Variants in MOBP observed in about 807,000 individuals in gnomAD.
MOBP encodes myelin-associated oligodendrocyte basic protein.
A neutral mutation model predicts 15.0 loss-of-function variants in MOBP; 5 were observed. That is an observed-to-expected ratio of 0.33 (90% CI 0.17 to 0.70). MOBP has a LOEUF of 0.70. MOBP is among the 30% of genes least tolerant of loss of function. The probability of loss-of-function intolerance (pLI) is 0.67; values close to 1 mark genes in which losing one functional copy is unlikely to be tolerated. For missense variants in MOBP, 188 were observed against 257.8 expected (o/e 0.73, Z 1.85); for synonymous variants, 88 against 99.0 (o/e 0.89, Z 0.66).
chr3:39,502,886 T>G lies in MOBP; in HGVS notation c.*6T>G. 1 of 1,182,920 alleles carries G rather than the reference T, an allele frequency of 8.5e-7. No homozygotes were observed. Among genetic ancestry groups the G allele is most frequent in the Non-Finnish European group, 1.2e-6 (1 of 856,328 alleles). The allele number at this position is 1,182,920 out of a possible 1,614,324, so 73.3% of individuals were successfully genotyped here. Reference sequence around the variant, plus strand: ...AAGCTTCTAGGTTCTGGTAACACCATCTCTTCCCTTTTGTTCCCCAGCCCT... The same window carrying G: ...AAGCTTCTAGGTTCTGGTAACACCAGCTCTTCCCTTTTGTTCCCCAGCCCT... On this transcript the variant is annotated 3_prime_UTR_variant, in exon 4 of 4. Coordinates refer to ENST00000684792, the MANE Select transcript of MOBP (RefSeq NM_001393704.1). The surrounding 1 kb of genome is among the most constrained non-coding windows in gnomAD (Gnocchi z 6.3).
In MOBP at chr3:39,502,372, AG is replaced by A; in HGVS notation, c.206+98del. On this transcript the variant is annotated intron_variant, in intron 3 of 3. Coordinates refer to ENST00000684792, the MANE Select transcript of MOBP (RefSeq NM_001393704.1). The surrounding 1 kb of genome is among the most constrained non-coding windows in gnomAD (Gnocchi z 6.3). The stretch of plus-strand genomic sequence containing the variant: ...CGCTCCGCACCCCACTCTTCCCCCT[AG>A]TCGGCTCCGGGTTAGGCTCCGACAC... 1.3e-6 allele frequency: 2 copies of A among 1,566,628 alleles called. No individual in the cohort carries two copies. Among genetic ancestry groups the A allele is most frequent in the Admixed American group, 1.9e-5 (1 of 53,216 alleles).
chr3:39,480,768 A>G (rs1317842473), intron 2 of MOBP, among the ~76,000 whole-genome samples: 2 of 152,048 alleles, frequency 1.3e-5, no homozygotes, highest in Non-Finnish European at 2.9e-5. Context: ...TGACTTTACT[A>G]TTTACTTGAA....
In MOBP at chr3:39,502,579, C is replaced by A; in HGVS notation, c.251C>A (p.Pro84Gln). The change falls in exon 4 of 4, where the codon CCA becomes CAA. Residue 84 changes from proline (P) to glutamine (Q), a missense_variant. Pro to Gln is a moderately conservative substitution (Grantham distance 76). Transcript: ENST00000684792. The surrounding 1 kb of genome is among the most constrained non-coding windows in gnomAD (Gnocchi z 6.3). ...AKSPQRPKQQ[P>Q]AAPPAVVRAP... ...TCCCCTCAGAGGCCCAAGCAACAGC[C>A]AGCTGCGCCCCCCGCGGTGGTCAGA... 1 of 1,576,204 alleles carries A rather than the reference C, an allele frequency of 6.3e-7. No individual in the cohort carries two copies. The highest frequency in any genetic ancestry group is 8.5e-7 in the Non-Finnish European group (1 of 1,170,288).
In MOBP at chr3:39,502,384, G is replaced by C; in HGVS notation, c.206+109G>C. 6.5e-7 allele frequency: 1 copy of C among 1,547,336 alleles called. No homozygotes were observed. The highest frequency in any genetic ancestry group is 8.7e-7 in the Non-Finnish European group (1 of 1,149,662). ...CACTCTTCCCCCTAGTCGGCTCCGGGTTAGGCTCCGACACCGGAAGGCACT... is the reference window on the plus strand; with the variant it reads ...CACTCTTCCCCCTAGTCGGCTCCGGCTTAGGCTCCGACACCGGAAGGCACT... On this transcript the variant is annotated intron_variant, in intron 3 of 3. Transcript: ENST00000684792. The surrounding 1 kb of genome is among the most constrained non-coding windows in gnomAD (Gnocchi z 6.3).
exon 5 of MOBP, chr3:39,524,615 C>A (rs919775977): frequency 2.6e-5 from 4 of 152,036 alleles, no homozygotes; most frequent in Non-Finnish European, 4.4e-5. Context: ...TATTATGACA[C>A]CTTTGGGTTG....
downstream of MOBP, chr3:39,527,433 T>A (rs1395996209): frequency 2.0e-5 from 3 of 147,786 alleles, no homozygotes; most frequent in African/African-American, 5.2e-5. Flanking sequence ...TTCCTTTTTT[T>A]CTTTTCCTTT....
At chr3:39,486,482 C>A (rs2042712382) in intron 2 of MOBP, among the ~76,000 whole-genome samples, 1 of 151,998 alleles carries the variant, frequency 6.6e-6, no homozygotes, top group African/African-American at 2.4e-5. Context: ...GTGATCCATG[C>A]TACTATACAT....
At chr3:39,509,389 A>C (rs1245829337) in intron 4 of MOBP, among the ~76,000 whole-genome samples, 3 of 152,178 alleles carry the variant, frequency 2.0e-5, no homozygotes, top group Non-Finnish European at 4.4e-5. Context: ...ATCAGCTTTA[A>C]AAATTTTATT....
downstream of MOBP, among the ~76,000 whole-genome samples, chr3:39,506,964 A>G (rs2043056961): frequency 6.6e-6 from 1 of 150,798 alleles, no homozygotes; most frequent in African/African-American, 2.4e-5. Context: ...GGTTTCTGTG[A>G]CTCTCTTCTT....
chr3:39,521,715 T>C (rs1373121719), intron 3 of MOBP, among the ~76,000 whole-genome samples: 1 of 152,134 alleles, frequency 6.6e-6, no homozygotes, highest in Non-Finnish European at 1.5e-5. Flanking sequence ...ACTGAGTATG[T>C]AAAGACTCAA....
chr3:39,484,876 A>G (rs1038317184), intron 2 of MOBP, among the ~76,000 whole-genome samples: 40 of 152,252 alleles, frequency 2.6e-4, no homozygotes, highest in African/African-American at 8.4e-4. Context: ...AGATAGTTGC[A>G]GGTGGGCAGT....
chr3:39,496,751 C>T (rs2042891558), intron 2 of MOBP, among the ~76,000 whole-genome samples: 1 of 151,980 alleles, frequency 6.6e-6, no homozygotes, highest in Non-Finnish European at 1.5e-5. Flanking sequence ...ACAACCTCTG[C>T]CTCCCGGGTT....
At chr3:39,484,070 A>G (rs961732707) in intron 2 of MOBP, among the ~76,000 whole-genome samples, 6 of 152,238 alleles carry the variant, frequency 3.9e-5, no homozygotes, top group Non-Finnish European at 8.8e-5. Context: ...ATATAGCCAC[A>G]TTATTATAAC....
chr3:39,473,079 A>G (rs2042494519), intron 1 of MOBP, among the ~76,000 whole-genome samples: 1 of 152,164 alleles, frequency 6.6e-6, no homozygotes, highest in South Asian at 2.1e-4. Context: ...AGATCCCATC[A>G]TGTGTGCTCC....
At chr3:39,484,323 A>G (rs2042669681) in intron 2 of MOBP, among the ~76,000 whole-genome samples, 1 of 152,222 alleles carries the variant, frequency 6.6e-6, no homozygotes, top group African/African-American at 2.4e-5. Flanking sequence ...ACAGAGACCA[A>G]ACCCTGAGGG....
rs76801524 is a variant in MOBP, at chr3:39,497,874, G to A, written c.-4-4192G>A. The stretch of plus-strand genomic sequence containing the variant: ...GGCCACCACACGGTCAGAAAACATC[G>A]ATGGACAGAGAAAGGAAAGTGACAA... On this transcript the variant is annotated intron_variant, in intron 2 of 3. Coordinates refer to ENST00000684792, the MANE Select transcript of MOBP (RefSeq NM_001393704.1). Among the ~76,000 whole-genome samples the A allele has an allele frequency of 5.6e-3, 855 of 152,224 alleles. 69 individuals are homozygous for A. The East Asian group carries it at 0.14, about 25-fold the overall frequency.
rs1396829711 is a variant in MOBP, at chr3:39,502,328, G to T, written c.206+53G>T. 6.2e-7 allele frequency: 1 copy of T among 1,608,658 alleles called. No homozygotes were observed. Among genetic ancestry groups the T allele is most frequent in the African/African-American group, 1.3e-5 (1 of 74,830 alleles). ...CAGTTGGGCACAGCGCGTGGTCTCG[G>T]CTCCCAGCACGCCCCTCCCGCTCCG... On this transcript the variant is annotated intron_variant, in intron 3 of 3. Coordinates refer to ENST00000684792, the MANE Select transcript of MOBP (RefSeq NM_001393704.1). The surrounding 1 kb of genome is among the most constrained non-coding windows in gnomAD (Gnocchi z 6.3).
At chr3:39,520,581 A>AGAGAGAGAGAGACAGAGAGAGAGAG (rs2043254364), downstream of MOBP, among the ~76,000 whole-genome samples, 1 of 147,368 alleles carries the variant, frequency 6.8e-6, no homozygotes, top group African/African-American at 2.7e-5. Flanking sequence ...TGTATGAGAG[A>AGAGAGAGAGAGACAGAGAGAGAGAG]GAGAGAGAGA....
chr3:39,517,841 A>G (rs2043222140), downstream of MOBP: 1 of 152,200 alleles, frequency 6.6e-6, no homozygotes, highest in Non-Finnish European at 1.5e-5. Context: ...CTATATTTTT[A>G]GTTTTAAACA....
Sources: allele counts gnomAD v4.1 joint callset (sites outside exome capture counted in the v4.1 genomes callset), GRCh38; gene constraint gnomAD v4.1.1; non-coding constraint Gnocchi (gnomAD v3.1); transcripts MANE v1.5; gene names NCBI Gene and HGNC (gene_info 2026-07-23, HGNC 2026-07-21).